SIL1: variants seen among roughly 807,000 people sequenced by gnomAD.
The protein encoded by SIL1 is SIL1 nucleotide exchange factor, also known as nucleotide exchange factor SIL1.
In SIL1, 40 loss-of-function variants were observed where a neutral mutation model predicts 49.1. The ratio of observed to expected loss-of-function variants is 0.81; its 90% CI spans 0.63 to 1.06. The LOEUF is 1.06. SIL1 is among the 50% of genes least tolerant of loss of function. The probability of loss-of-function intolerance (pLI) is 0.00; values close to 1 mark genes in which losing one functional copy is unlikely to be tolerated. For missense variants in SIL1, 500 were observed against 572.6 expected (o/e 0.87, Z 1.29); for synonymous variants, 253 against 250.8 (o/e 1.01, Z -0.08).
intron 7 of SIL1, chr5:139,014,032 C>T (rs1002574398): frequency 6.6e-6 from 1 of 152,142 alleles, no homozygotes; most frequent in Non-Finnish European, 1.5e-5. Flanking sequence ...TTCCCATGCT[C>T]AAGAAGCCTT....
At chr5:139,074,163 C>T (rs1769893646) in intron 3 of SIL1, among the ~76,000 whole-genome samples, 1 of 152,134 alleles carries the variant, frequency 6.6e-6, no homozygotes, top group East Asian at 1.9e-4. Flanking sequence ...CTCAAGAGAT[C>T]CTCGCACCCC....
intron 3 of SIL1, among the ~76,000 whole-genome samples, chr5:139,119,081 A>G (rs1486458376): frequency 1.3e-5 from 2 of 152,240 alleles, no homozygotes; most frequent in East Asian, 1.9e-4. Context: ...AATTTTGTGC[A>G]GAAGAGTTTA....
chr5:139,108,802 A>C (rs1049008867), intron 3 of SIL1, among the ~76,000 whole-genome samples: 12 of 152,274 alleles, frequency 7.9e-5, no homozygotes, highest in African/African-American at 2.9e-4. Context: ...GCCACCTGCC[A>C]GTCAGCTGCA....
chr5:138,991,046 C>T (rs1366123387), intron 7 of SIL1, among the ~76,000 whole-genome samples: 1 of 152,232 alleles, frequency 6.6e-6, no homozygotes, highest in Non-Finnish European at 1.5e-5. Context: ...AGTCTTTATC[C>T]TTTCCTTTTT....
At chr5:139,095,257 T>C (rs1002027644) in intron 3 of SIL1, among the ~76,000 whole-genome samples, 1 of 151,128 alleles carries the variant, frequency 6.6e-6, no homozygotes, top group East Asian at 1.9e-4. Flanking sequence ...ATATATATTA[T>C]TGGAATTCTT....
chr5:138,979,068 T>A (rs62381222), intron 7 of SIL1, among the ~76,000 whole-genome samples: 15,534 of 150,250 alleles, frequency 0.1, 910 homozygotes, highest in African/African-American at 0.17. Flanking sequence ...AATTTAATTT[T>A]ATTTTATTTT....
chr5:138,998,647 C>G (rs1358538337), intron 7 of SIL1, among the ~76,000 whole-genome samples: 3 of 151,950 alleles, frequency 2.0e-5, no homozygotes, highest in Non-Finnish European at 4.4e-5. Context: ...GGGAGCAGTC[C>G]CAGACTTTTA....
intron 3 of SIL1, among the ~76,000 whole-genome samples, chr5:139,087,434 C>T (rs755457962): frequency 6.6e-6 from 1 of 152,126 alleles, no homozygotes; most frequent in Non-Finnish European, 1.5e-5. Flanking sequence ...ATCCCAGCTA[C>T]TTAGGAGGCG....
intron 1 of SIL1, among the ~76,000 whole-genome samples, chr5:139,130,375 G>A (rs1470337250): frequency 6.6e-6 from 1 of 152,110 alleles, no homozygotes; most frequent in African/African-American, 2.4e-5. Flanking sequence ...GACACGAAAA[G>A]GTTCTCAACA....
chr5:139,137,186 T>C, intron 1 of SIL1: 1 of 577,646 alleles, frequency 1.7e-6, no homozygotes, highest in Non-Finnish European at 3.1e-6. Context: ...CAAATAATAA[T>C]TATAGTCAAC....
intron 3 of SIL1, among the ~76,000 whole-genome samples, chr5:139,104,133 A>C (rs772123931): frequency 3.9e-5 from 6 of 152,250 alleles, no homozygotes; most frequent in Non-Finnish European, 5.9e-5. Flanking sequence ...TCCATGCTGC[A>C]GGAGCCAAGC....
intron 3 of SIL1, among the ~76,000 whole-genome samples, chr5:139,089,881 G>T (rs936297928): frequency 2.6e-5 from 4 of 152,162 alleles, no homozygotes; most frequent in Admixed American, 2.0e-4. Context: ...TTAAATAGAA[G>T]CGGTGATTGC....
intron 7 of SIL1, among the ~76,000 whole-genome samples, chr5:138,977,032 G>T (rs1266979152): frequency 6.6e-6 from 1 of 152,126 alleles, no homozygotes; most frequent in Non-Finnish European, 1.5e-5. Context: ...TGTGTTGCTT[G>T]ACCCTCCAGA....
chr5:139,180,161 C>G (rs896857788), intron 1 of SIL1, among the ~76,000 whole-genome samples: 1 of 150,896 alleles, frequency 6.6e-6, no homozygotes, highest in Admixed American at 6.6e-5. Flanking sequence ...GCCAGGCGTT[C>G]GAGACCCAGG....
At chr5:138,956,473 G>C (rs1044348392) in intron 7 of SIL1, among the ~76,000 whole-genome samples, 13 of 152,244 alleles carry the variant, frequency 8.5e-5, no homozygotes, top group African/African-American at 2.9e-4. Context: ...GCTGGGCGCA[G>C]TGGCTCACGC....
chr5:139,081,218 C>T lies in SIL1; in HGVS notation c.245-30172G>A, dbSNP rs140336389. Among the ~76,000 whole-genome samples, 1,236 of 152,272 alleles carry T rather than the reference C, an allele frequency of 8.1e-3. 11 individuals carry two copies. Among genetic ancestry groups the T allele is most frequent in the Non-Finnish European group, 0.012 (835 of 68,004 alleles). On this transcript the variant is annotated intron_variant, in intron 3 of 9. Coordinates refer to ENST00000394817, the MANE Select transcript of SIL1 (RefSeq NM_022464.5). The stretch of plus-strand genomic sequence containing the variant: ...AGAATAATGAAGGTGAGAAAATGCC[C>T]TTTCAAAAACAATTAGATGTGGCCT...
intron 3 of SIL1, among the ~76,000 whole-genome samples, chr5:139,111,989 T>C (rs558202729): frequency 6.6e-6 from 1 of 152,182 alleles, no homozygotes; most frequent in Admixed American, 6.5e-5. Context: ...CGATTGCAGG[T>C]GCGCGCCGCC....
intron 7 of SIL1, among the ~76,000 whole-genome samples, chr5:138,979,909 C>T (rs1056881115): frequency 3.3e-5 from 5 of 152,340 alleles, no homozygotes; most frequent in African/African-American, 1.2e-4. Flanking sequence ...AACTCCCTGA[C>T]TGAAATGCTC....
At chr5:139,084,256 C>A (rs1028993269) in intron 3 of SIL1, among the ~76,000 whole-genome samples, 2 of 149,532 alleles carry the variant, frequency 1.3e-5, no homozygotes, top group Non-Finnish European at 3.0e-5. Context: ...ACTAGAAATA[C>A]CATTTGACCC....
Sources: gnomAD v4.1 joint callset for allele counts (sites outside exome capture counted in the v4.1 genomes callset) on GRCh38, gnomAD v4.1.1 for gene constraint, MANE v1.5 for transcripts, NCBI Gene and HGNC (gene_info 2026-07-23, HGNC 2026-07-21) for gene names.